The following CDH23 variants were observed in gnomAD, a reference collection of about 807,000 sequenced individuals.
CDH23 encodes cadherin related 23.
Under a neutral mutation model 317.1 loss-of-function variants are expected in CDH23, and 189 were observed. The ratio of observed to expected loss-of-function variants is 0.60; its 90% CI spans 0.53 to 0.67. The LOEUF is 0.67. CDH23 is among the 30% of genes least tolerant of loss of function. The pLI is 0.00. For missense variants in CDH23, 4,401 were observed against 4,592.4 expected, an observed-to-expected ratio of 0.96 and a Z score of 1.20; for synonymous variants, 1,839 against 1,876.8, an observed-to-expected ratio of 0.98 and a Z score of 0.52.
chr10:71,803,195 G>C lies in CDH23; in HGVS notation c.7661-14G>C, dbSNP rs767603792. On this transcript the variant is annotated splice_polypyrimidine_tract_variant and intron_variant, in intron 54 of 69. Coordinates refer to ENST00000224721, the MANE Select transcript of CDH23 (RefSeq NM_022124.6). ...ATGTCTCAACCAGAGCTACTCTCCTGCTCCCACTGCCAGAGGCCTTCCATG... is the reference window on the plus strand; with the variant it reads ...ATGTCTCAACCAGAGCTACTCTCCTCCTCCCACTGCCAGAGGCCTTCCATG... 1 of 1,609,386 alleles carries C rather than the reference G, an allele frequency of 6.2e-7. No individual in the cohort carries two copies. Among genetic ancestry groups the C allele is most frequent in the South Asian group, 1.1e-5 (1 of 90,508 alleles).
intron 6 of CDH23, among the ~76,000 whole-genome samples, chr10:71,532,536 C>T (rs7893501): frequency 0.15 from 22,298 of 152,044 alleles, 2,106 homozygotes; most frequent in East Asian, 0.34. Flanking sequence ...GCACACCCCA[C>T]GGCAGAAGCC....
At chr10:71,608,590 T>G (rs1336623366) in intron 9 of CDH23, among the ~76,000 whole-genome samples, 2 of 152,332 alleles carry the variant, frequency 1.3e-5, no homozygotes, top group East Asian at 3.9e-4. Context: ...GAAGAGAAAC[T>G]TCAGGCCATC....
At chr10:71,684,011 G>A (rs927956081) in intron 18 of CDH23, among the ~76,000 whole-genome samples, 5 of 151,968 alleles carry the variant, frequency 3.3e-5, no homozygotes, top group South Asian at 2.1e-4. Flanking sequence ...AACTCAGGAG[G>A]TGGAGGTTGC....
intron 18 of CDH23, among the ~76,000 whole-genome samples, chr10:71,685,765 G>T (rs1011588362): frequency 6.6e-6 from 1 of 152,210 alleles, no homozygotes; most frequent in Non-Finnish European, 1.5e-5. Context: ...TGTCTCTCAA[G>T]CAGGGCCTCT....
intron 3 of CDH23, among the ~76,000 whole-genome samples, chr10:71,465,313 C>A (rs1446095907): frequency 6.6e-6 from 1 of 152,230 alleles, no homozygotes; most frequent in Admixed American, 6.5e-5. Flanking sequence ...CCCAGAGTGA[C>A]TCAGCTGGGG....
chr10:71,462,998 T>C (rs1239683929), intron 3 of CDH23, among the ~76,000 whole-genome samples: 1 of 152,228 alleles, frequency 6.6e-6, no homozygotes, highest in Non-Finnish European at 1.5e-5. Context: ...ATTTAAATGC[T>C]TACCGGCTGC....
intron 6 of CDH23, among the ~76,000 whole-genome samples, chr10:71,515,100 G>A (rs1191774362): frequency 6.6e-6 from 1 of 152,202 alleles, no homozygotes; most frequent in Non-Finnish European, 1.5e-5. Context: ...AGGAGGATGG[G>A]TGTGAGGTTA....
At chr10:71,532,711 GTTTTTTTTTT>G (rs531593760) in intron 6 of CDH23, among the ~76,000 whole-genome samples, 75,094 of 128,586 alleles carry the variant, frequency 0.58, 19,831 homozygotes, top group East Asian at 0.84. Context: ...TTTTGTTTTT[GTTTTTTTTTT>G]TTTTTGTTTT....
At chr10:71,420,227 G>T (rs1468416454) in intron 1 of CDH23, among the ~76,000 whole-genome samples, 17 of 151,560 alleles carry the variant, frequency 1.1e-4, no homozygotes, top group Non-Finnish European at 7.4e-5. Flanking sequence ...TTATTTTTGG[G>T]CAGGCAATAA....
intron 2 of CDH23, among the ~76,000 whole-genome samples, chr10:71,442,905 G>GAGGGC (rs1159048294): frequency 1.3e-5 from 2 of 152,350 alleles, no homozygotes; most frequent in Admixed American, 1.3e-4. Context: ...GGCAGGACTG[G>GAGGGC]AGGGCAGGGC....
intron 19 of CDH23, among the ~76,000 whole-genome samples, chr10:71,689,203 TTGGTGGAGTCAGGGA>T (rs141565355): frequency 0.027 from 1,169 of 43,640 alleles, 108 homozygotes; most frequent in Middle Eastern, 0.073. Flanking sequence ...GGAGCCAGGG[TTGGTGGAGTCAGGGA>T]TGGTGGAGTC....
chr10:71,470,354 T>C (rs533265778), intron 3 of CDH23, among the ~76,000 whole-genome samples: 35 of 152,236 alleles, frequency 2.3e-4, no homozygotes, highest in Non-Finnish European at 4.6e-4. Context: ...ATTCACAGTG[T>C]TGTGCAACCA....
intron 1 of CDH23, among the ~76,000 whole-genome samples, chr10:71,425,004 G>A (rs762656020): frequency 5.9e-5 from 9 of 152,184 alleles, no homozygotes; most frequent in East Asian, 1.9e-4. Context: ...AGACAAGGAC[G>A]CTGAGGCCTG....
At chr10:71,468,376 A>G (rs1217036784) in intron 3 of CDH23, among the ~76,000 whole-genome samples, 1 of 152,046 alleles carries the variant, frequency 6.6e-6, no homozygotes, top group Non-Finnish European at 1.5e-5. Flanking sequence ...CAGCTCAGAA[A>G]CCTTCAGTAG....
rs372927470 is a variant in CDH23 at position 71,709,135 on chromosome 10, C to A, written c.3144C>A (p.Arg1048=). The change falls in exon 27 of 70, where the codon CGC becomes CGA. Residue 1048 remains arginine (R), a synonymous_variant. Coordinates refer to ENST00000224721, the MANE Select transcript of CDH23 (RefSeq NM_022124.6). The part of the protein sequence containing the change: ...NVDGKFSVGY[R]DAVVRTVVGL... ...ATGGGAAGTTCAGCGTGGGTTACCG[C>A]GATGCCGTTGTGAGAACCGTGGTGG... 6.2e-7 allele frequency: 1 copy of A among 1,613,976 alleles called. No homozygotes were observed. The highest frequency in any genetic ancestry group is 8.5e-7 in the Non-Finnish European group (1 of 1,179,892).
chr10:71,571,801 G>A (rs941442122), intron 8 of CDH23, among the ~76,000 whole-genome samples: 4 of 152,256 alleles, frequency 2.6e-5, no homozygotes, highest in African/African-American at 9.6e-5. Flanking sequence ...TGTGCTTAAA[G>A]GAAGGACTCA....
intron 9 of CDH23, among the ~76,000 whole-genome samples, chr10:71,591,288 G>A (rs1163057220): frequency 2.0e-5 from 3 of 152,188 alleles, no homozygotes; most frequent in Non-Finnish European, 2.9e-5. Context: ...TGGATGGGGC[G>A]TGAAATAACA....
chr10:71,807,199 G>T, intron 57 of CDH23, 78 bp from the exon 58 acceptor site: 1 of 1,560,478 alleles, frequency 6.4e-7, no homozygotes, highest in African/African-American at 1.4e-5. Flanking sequence ...CAAAGTCACT[G>T]CCCAGGGCCC....
chr10:71,705,141 G>T lies in CDH23; in HGVS notation c.2953+11G>T, dbSNP rs747640354. ...CGCTCACCATCCATGGTGAGGGGGC[G>T]CAGGGGCTTCTGCTGTGTGCTCAGT... On this transcript the variant is annotated intron_variant, in intron 25 of 69. Transcript: ENST00000224721. The T allele has an allele frequency of 1.9e-5, 30 of 1,604,284 alleles. 1 individual carries two copies. In the African/African-American group the frequency reaches 2.3e-4, roughly 12 times the overall value.
Sources: allele counts gnomAD v4.1 joint callset (sites outside exome capture counted in the v4.1 genomes callset), GRCh38; gene constraint gnomAD v4.1.1; transcripts MANE v1.5; gene names NCBI Gene and HGNC (gene_info 2026-07-23, HGNC 2026-07-21).